The following ZFHX3 variants were observed in gnomAD, a reference collection of about 807,000 sequenced individuals.
ZFHX3 encodes the protein zinc finger homeobox 3, also known as zinc finger homeobox protein 3.
ZFHX3 carries 42 observed loss-of-function variants against 279.1 expected under a neutral mutation model. The observed-to-expected ratio is 0.15, with a 90% CI of 0.12 to 0.19. ZFHX3 has a LOEUF of 0.19. Ranked by LOEUF, ZFHX3 falls within the 10% of genes least tolerant of loss-of-function variation. ZFHX3 has a pLI of 1.00. For missense variants in ZFHX3, 4,981 were observed against 4,754.0 expected (o/e 1.05, Z -1.40); for synonymous variants, 2,293 against 1,957.8 (o/e 1.17, Z -4.52).
intron 7 of ZFHX3, among the ~76,000 whole-genome samples, chr16:73,108,030 G>A (rs368171800): frequency 5.9e-5 from 9 of 152,166 alleles, no homozygotes; most frequent in Non-Finnish European, 1.0e-4. Context: ...GCGTGGTGGC[G>A]GGCACCTGTA....
chr16:73,316,489 G>A (rs1396127282), intron 4 of ZFHX3, among the ~76,000 whole-genome samples: 5 of 152,008 alleles, frequency 3.3e-5, no homozygotes, highest in African/African-American at 4.8e-5. Flanking sequence ...CTCTGACCTC[G>A]GATGATTTAA....
At chr16:73,206,022 T>C (rs1257599185) in intron 5 of ZFHX3, among the ~76,000 whole-genome samples, 1 of 152,222 alleles carries the variant, frequency 6.6e-6, no homozygotes, top group Non-Finnish European at 1.5e-5. Context: ...AAATGAACTT[T>C]TATCACAGAG....
chr16:72,978,269 T>C (rs868510585), intron 1 of ZFHX3, among the ~76,000 whole-genome samples: 1 of 152,210 alleles, frequency 6.6e-6, no homozygotes, highest in South Asian at 2.1e-4. Context: ...CTCTTGTTAA[T>C]TGTGGGTTTT....
chr16:73,653,780 T>A (rs1277563849), intron 2 of ZFHX3, among the ~76,000 whole-genome samples: 2 of 151,802 alleles, frequency 1.3e-5, no homozygotes, highest in African/African-American at 4.9e-5. Context: ...TTGAAAGGAG[T>A]AAAATTGTAA....
At chr16:73,487,878 A>C (rs1047148688) in intron 2 of ZFHX3, 1 of 152,922 alleles carries the variant, frequency 6.5e-6, no homozygotes. Context: ...ATATGCAAAA[A>C]GCTGAGCCTA....
intron 3 of ZFHX3, among the ~76,000 whole-genome samples, chr16:73,450,593 T>C (rs2018267174): frequency 6.6e-6 from 1 of 152,258 alleles, no homozygotes; most frequent in South Asian, 2.1e-4. Context: ...ACTACATTTT[T>C]AAAAACTCTG....
rs60214410 is a variant in ZFHX3 at position 73,241,790 on chromosome 16, C to CAAAAA, written c.-1104+15252_-1104+15256dup. Among the ~76,000 whole-genome samples, 124 of 51,248 alleles carry CAAAAA rather than the reference C, an allele frequency of 2.4e-3. 1 individual carries two copies. The highest frequency in any genetic ancestry group is 9.4e-3 in the African/African-American group (110 of 11,754). 33.6% of individuals were successfully genotyped at this position (51,248 alleles called of 152,430 possible). On this transcript the variant is annotated intron_variant, in intron 5 of 17. Transcript: ENST00000641206. Reference sequence around the variant, plus strand: ...GGGCAATAAGAGCAAAACTCCGTCTCAAAAAAAAAAAAAAAAAAAAAAAAA... The same window carrying CAAAAA: ...GGGCAATAAGAGCAAAACTCCGTCTCAAAAAAAAAAAAAAAAAAAAAAAAAAAAAA...
At chr16:73,013,729 C>A (rs990301940) in intron 1 of ZFHX3, among the ~76,000 whole-genome samples, 1 of 152,128 alleles carries the variant, frequency 6.6e-6, no homozygotes, top group Non-Finnish European at 1.5e-5. Flanking sequence ...AGCCTCTTCC[C>A]TCATTTCCAA....
At chr16:72,948,758 C>A (rs762080370) in intron 3 of ZFHX3, among the ~76,000 whole-genome samples, 1 of 152,170 alleles carries the variant, frequency 6.6e-6, no homozygotes, top group Non-Finnish European at 1.5e-5. Flanking sequence ...ATGGCCACGC[C>A]GAGTCCTTTG....
intron 1 of ZFHX3, among the ~76,000 whole-genome samples, chr16:73,707,745 AT>A: frequency 9.6e-6 from 1 of 103,864 alleles, no homozygotes; most frequent in Middle Eastern, 5.6e-3. Flanking sequence ...TATAATAATA[AT>A]AAAATTTAAA....
chr16:72,856,980 T>C (rs1183611974), intron 4 of ZFHX3, among the ~76,000 whole-genome samples: 1 of 152,224 alleles, frequency 6.6e-6, no homozygotes, highest in Non-Finnish European at 1.5e-5. Flanking sequence ...AACTCCACAC[T>C]GACACCCGCA....
At chr16:73,039,386 G>A (rs1042543138) in intron 1 of ZFHX3, among the ~76,000 whole-genome samples, 3 of 152,192 alleles carry the variant, frequency 2.0e-5, no homozygotes, top group Non-Finnish European at 4.4e-5. Flanking sequence ...TGTCTAAATG[G>A]GGGGAGTGGC....
At chr16:73,060,332 C>CGGTA (rs1731877244), upstream of ZFHX3, 1 of 151,674 alleles carries the variant, frequency 6.6e-6, no homozygotes, top group Non-Finnish European at 1.5e-5. Flanking sequence ...AGACTAGGAG[C>CGGTA]GGTACATCCC....
At chr16:73,585,199 C>T (rs1354719808) in intron 2 of ZFHX3, among the ~76,000 whole-genome samples, 15 of 152,270 alleles carry the variant, frequency 9.9e-5, no homozygotes, top group East Asian at 1.9e-4. Context: ...GGGCGGATCA[C>T]GAGGTCAAGA....
At chr16:73,491,627 T>C (rs1373431479) in intron 2 of ZFHX3, among the ~76,000 whole-genome samples, 1 of 152,204 alleles carries the variant, frequency 6.6e-6, no homozygotes, top group Non-Finnish European at 1.5e-5. Context: ...GGCACAGGTG[T>C]ACATACTATG....
chr16:73,004,349 G>A (rs12149805), intron 1 of ZFHX3, among the ~76,000 whole-genome samples: 1 of 86,260 alleles, frequency 1.2e-5, no homozygotes, highest in Non-Finnish European at 2.2e-5. Context: ...TTTTTTTTGA[G>A]ATGGAGTTTC....
rs201865011 is a variant in ZFHX3 at position 73,303,963 on chromosome 16, G to GAA, written c.-1194+14275_-1194+14276dup. 4.5e-3 allele frequency among the ~76,000 whole-genome samples: 342 copies of GAA among 76,080 alleles called. 10 individuals carry two copies. The highest frequency in any genetic ancestry group is 0.014 in the African/African-American group (309 of 21,720). The allele number at this position is 76,080 out of a possible 152,430, so 49.9% of individuals were successfully genotyped here. A position where few individuals can be genotyped will look rare whatever the true frequency, so the allele number is the denominator to read the frequency against. ...GATGGAGGTTCAAAAACCCTAGGTG[G>GAA]AAAAAAAAAAAAAAAAAAAAAAAAA... On this transcript the variant is annotated intron_variant, in intron 4 of 17. Transcript: ENST00000641206.
intron 2 of ZFHX3, among the ~76,000 whole-genome samples, chr16:73,522,325 G>T (rs825858): frequency 0.18 from 27,744 of 152,098 alleles, 2,837 homozygotes; most frequent in East Asian, 0.28. Flanking sequence ...GATGAAATAC[G>T]TTCTGGTCTT....
intron 1 of ZFHX3, among the ~76,000 whole-genome samples, chr16:73,727,503 C>T (rs1645162085): frequency 6.6e-6 from 1 of 152,138 alleles, no homozygotes; most frequent in Non-Finnish European, 1.5e-5. Flanking sequence ...TGGAGTTACC[C>T]AGAGATGACA....
Sources: allele counts gnomAD v4.1 joint callset (sites outside exome capture counted in the v4.1 genomes callset), GRCh38; gene constraint gnomAD v4.1.1; transcripts MANE v1.5; gene names NCBI Gene and HGNC (gene_info 2026-07-23, HGNC 2026-07-21).